Variants in PTPRN2 observed in about 807,000 individuals in gnomAD.
The protein encoded by PTPRN2 is receptor-type tyrosine-protein phosphatase N2.
PTPRN2 carries 74 observed loss-of-function variants against 118.8 expected under a neutral mutation model. That is an observed-to-expected ratio of 0.62 (90% CI 0.52 to 0.76). The LOEUF is 0.76. Ranked by LOEUF, PTPRN2 falls within the 30% of genes least tolerant of loss-of-function variation. PTPRN2 has a pLI of 0.00. For synonymous variants in PTPRN2, 641 were observed against 608.0 expected (o/e 1.05, Z -0.80); for missense variants, 1,481 against 1,394.4 (o/e 1.06, Z -0.99).
chr7:158,225,240 G>T (rs1349632031), intron 3 of PTPRN2, among the ~76,000 whole-genome samples: 1 of 151,894 alleles, frequency 6.6e-6, no homozygotes, highest in African/African-American at 2.4e-5. Context: ...TCATCCCAAA[G>T]AAATGAAGAC....
intron 12 of PTPRN2, among the ~76,000 whole-genome samples, chr7:157,832,930 TGGC>T (rs1440669289): frequency 2.6e-5 from 4 of 152,256 alleles, no homozygotes; most frequent in Non-Finnish European, 5.9e-5. Context: ...TGTGATGAGA[TGGC>T]GGGATTCTCC....
intron 11 of PTPRN2, among the ~76,000 whole-genome samples, chr7:158,052,516 C>T (rs1454653420): frequency 1.3e-5 from 2 of 152,212 alleles, no homozygotes; most frequent in Non-Finnish European, 2.9e-5. Context: ...GAGTCTCCGC[C>T]GCATGGATGG....
intron 2 of PTPRN2, among the ~76,000 whole-genome samples, chr7:158,474,501 A>G (rs1380869851): frequency 2.0e-5 from 3 of 152,262 alleles, no homozygotes; most frequent in African/African-American, 7.2e-5. Flanking sequence ...GATAAAAGGG[A>G]AAACGGTCTT....
intron 3 of PTPRN2, among the ~76,000 whole-genome samples, chr7:158,266,585 G>A (rs1797900265): frequency 6.6e-6 from 1 of 152,190 alleles, no homozygotes; most frequent in Admixed American, 6.5e-5. Flanking sequence ...GTGAGCATCA[G>A]GCCTGAATTC....
chr7:158,490,654 C>T (rs147423428), intron 1 of PTPRN2, among the ~76,000 whole-genome samples: 2 of 152,222 alleles, frequency 1.3e-5, no homozygotes, highest in Non-Finnish European at 2.9e-5. Flanking sequence ...AGGCGGGAGT[C>T]GCACCGCCAG....
At chr7:158,169,992 A>G (rs1348307089) in intron 5 of PTPRN2, among the ~76,000 whole-genome samples, 1 of 152,180 alleles carries the variant, frequency 6.6e-6, no homozygotes. Context: ...GTGCCCAGCC[A>G]TTATCTCTAA....
chr7:157,668,952 T>G (rs1011187049), intron 13 of PTPRN2, among the ~76,000 whole-genome samples: 3 of 152,254 alleles, frequency 2.0e-5, no homozygotes, highest in Non-Finnish European at 2.9e-5. Context: ...TTGATTTTAT[T>G]TCATCATAAA....
At chr7:158,455,840 TTG>T (rs1818428445) in intron 2 of PTPRN2, among the ~76,000 whole-genome samples, 3 of 147,628 alleles carry the variant, frequency 2.0e-5, no homozygotes, top group African/African-American at 5.1e-5. Context: ...CGGCCACCCA[TTG>T]CTCTGCAGAG....
At chr7:157,755,223 T>A (rs903030260) in intron 12 of PTPRN2, among the ~76,000 whole-genome samples, 6 of 152,196 alleles carry the variant, frequency 3.9e-5, no homozygotes, top group African/African-American at 1.4e-4. Context: ...TTATGAAAGA[T>A]GTAAATATGT....
intron 2 of PTPRN2, among the ~76,000 whole-genome samples, chr7:158,458,183 C>T (rs552966736): frequency 2.2e-4 from 34 of 152,294 alleles, no homozygotes; most frequent in African/African-American, 7.0e-4. Flanking sequence ...GCCTGTGCTC[C>T]GCTTCCTCCT....
chr7:158,020,555 C>T (rs556501604), intron 11 of PTPRN2, among the ~76,000 whole-genome samples: 1 of 152,180 alleles, frequency 6.6e-6, no homozygotes, highest in African/African-American at 2.4e-5. Flanking sequence ...GAGGAGAGGC[C>T]GGCCCGGGGT....
At chr7:158,108,738 G>T (rs928502245) in intron 10 of PTPRN2, among the ~76,000 whole-genome samples, 6 of 152,304 alleles carry the variant, frequency 3.9e-5, no homozygotes, top group East Asian at 1.9e-4. Flanking sequence ...GTCCCCTAGT[G>T]CCCTCCATGC....
Position 157,540,686 on chromosome 7 carries a change from G to C in PTPRN2, c.*28C>G, listed in dbSNP as rs956257597. 6.7e-7 allele frequency: 1 copy of C among 1,501,118 alleles called. No homozygotes were observed. Among genetic ancestry groups the C allele is most frequent in the African/African-American group, 1.4e-5 (1 of 71,910 alleles). 93.0% of individuals were successfully genotyped at this position (1,501,118 alleles called of 1,614,324 possible). ...TCCTGACAACATCCGTGGGGTGGGG[G>C]CTCCCCTGAGGCCCCTGAGGCTGCC... On this transcript the variant is annotated 3_prime_UTR_variant, in exon 23 of 23. Coordinates refer to ENST00000389418, the MANE Select transcript of PTPRN2 (RefSeq NM_002847.5).
At chr7:158,280,271 G>A (rs760610113) in intron 3 of PTPRN2, among the ~76,000 whole-genome samples, 2 of 152,306 alleles carry the variant, frequency 1.3e-5, no homozygotes, top group East Asian at 1.9e-4. Flanking sequence ...CTGAAGCTGC[G>A]AAGAGAGGCA....
intron 3 of PTPRN2, among the ~76,000 whole-genome samples, chr7:158,207,579 C>A (rs1827255177): frequency 6.6e-6 from 1 of 152,096 alleles, no homozygotes; most frequent in African/African-American, 2.4e-5. Context: ...CCAGAATCTA[C>A]AATGAACTCA....
At chr7:158,131,978 A>G (rs1818357071) in intron 9 of PTPRN2, among the ~76,000 whole-genome samples, 1 of 80,716 alleles carries the variant, frequency 1.2e-5, no homozygotes, top group Non-Finnish European at 2.8e-5. Context: ...CATCTACCCA[A>G]CACACACACT....
At chr7:157,754,315 T>G (rs1035704151) in intron 12 of PTPRN2, among the ~76,000 whole-genome samples, 8 of 152,230 alleles carry the variant, frequency 5.3e-5, no homozygotes, top group African/African-American at 1.9e-4. Flanking sequence ...CTGGTGCTTC[T>G]CCAGCATGGG....
At chr7:158,148,643 G>A (rs13309392) in intron 6 of PTPRN2, among the ~76,000 whole-genome samples, 14 of 111,782 alleles carry the variant, frequency 1.3e-4, no homozygotes, top group African/African-American at 4.4e-4. Context: ...CCCATCTCAC[G>A]CCACGTGTCT....
rs1563260159 is a variant in PTPRN2 at position 157,611,744 on chromosome 7, A to G, written c.2345-7669T>C. On this transcript the variant is annotated intron_variant, in intron 15 of 22. Transcript: ENST00000389418. This position sits in a 1 kb window ranked among gnomAD's most constrained non-coding sequence, Gnocchi z 5.9. ...GGTCATGCTGGGGACACGCGGAGGG[A>G]GCGCGCCCGTGTGAAGACGAAGACA... Among the ~76,000 whole-genome samples the G allele has an allele frequency of 2.0e-5, 3 of 150,540 alleles. No homozygotes were observed. Among genetic ancestry groups the G allele is most frequent in the Non-Finnish European group, 3.0e-5 (2 of 67,526 alleles).
Sources: allele counts gnomAD v4.1 joint callset (sites outside exome capture counted in the v4.1 genomes callset), GRCh38; gene constraint gnomAD v4.1.1; non-coding constraint Gnocchi (gnomAD v3.1); transcripts MANE v1.5; gene names NCBI Gene and HGNC (gene_info 2026-07-23, HGNC 2026-07-21).